Variants in KIRREL3 observed in about 807,000 individuals in gnomAD.
The protein encoded by KIRREL3 is kin of IRRE-like protein 3.
In KIRREL3, 36 loss-of-function variants were observed where a neutral mutation model predicts 89.7. The observed-to-expected ratio is 0.40, with a 90% CI of 0.31 to 0.53. The LOEUF is 0.53. Ranked by LOEUF, KIRREL3 falls within the 20% of genes least tolerant of loss-of-function variation. The pLI, the probability that KIRREL3 is intolerant of heterozygous loss-of-function variation, is 0.49. For synonymous variants in KIRREL3, 445 were observed against 441.4 expected, an observed-to-expected ratio of 1.01 and a Z score of -0.10; for missense variants, 864 against 1,056.6, an observed-to-expected ratio of 0.82 and a Z score of 2.53.
In KIRREL3 at chr11:126,909,948, G is replaced by A. The variant is rs556903744; in HGVS notation, c.55+90507C>T. On this transcript the variant is annotated intron_variant, in intron 1 of 16. Transcript: ENST00000525144. This position sits in a 1 kb window ranked among gnomAD's most constrained non-coding sequence, Gnocchi z 4.5. ...GTATTAACTGAAGATGACAGGGAGC[G>A]AGGGATGGAAAGCGGGCAATTTGTT... Among the ~76,000 whole-genome samples the A allele has an allele frequency of 2.6e-5, 4 of 152,224 alleles. No homozygotes were observed. Among genetic ancestry groups the A allele is most frequent in the African/African-American group, 7.2e-5 (3 of 41,536 alleles).
chr11:126,755,976 A>G lies in KIRREL3; in HGVS notation c.56-193064T>C, dbSNP rs906220987. 2.0e-5 allele frequency among the ~76,000 whole-genome samples: 3 copies of G among 152,244 alleles called. No homozygotes were observed. The highest frequency in any genetic ancestry group is 4.8e-5 in the African/African-American group (2 of 41,464). ...AATCACATCTAGGTGTTATCTTGATATAAGAACAGGTATCATTAATTGACT... is the reference window on the plus strand; with the variant it reads ...AATCACATCTAGGTGTTATCTTGATGTAAGAACAGGTATCATTAATTGACT... On this transcript the variant is annotated intron_variant, in intron 1 of 16. Coordinates refer to ENST00000525144, the MANE Select transcript of KIRREL3 (RefSeq NM_032531.4). This position sits in a 1 kb window ranked among gnomAD's most constrained non-coding sequence, Gnocchi z 4.3.
chr11:126,577,992 G>A (rs1941349451), intron 1 of KIRREL3, among the ~76,000 whole-genome samples: 1 of 152,158 alleles, frequency 6.6e-6, no homozygotes, highest in South Asian at 2.1e-4. Flanking sequence ...TCGTTCTAAA[G>A]ACAGGGAGCT....
chr11:126,879,139 G>T lies in KIRREL3; in HGVS notation c.55+121316C>A, dbSNP rs571909685. 6.6e-6 allele frequency among the ~76,000 whole-genome samples: 1 copy of T among 152,306 alleles called. No homozygotes were observed. Among genetic ancestry groups the T allele is most frequent in the East Asian group, 1.9e-4 (1 of 5,180 alleles). ...ACAGCAAAGGGAGGAAATAGTCTGA[G>T]TCCAGCTAAATGTAAAGAGGGAAAC... On this transcript the variant is annotated intron_variant, in intron 1 of 16. Coordinates refer to ENST00000525144, the MANE Select transcript of KIRREL3 (RefSeq NM_032531.4). This position sits in a 1 kb window ranked among gnomAD's most constrained non-coding sequence, Gnocchi z 5.4.
intron 1 of KIRREL3, among the ~76,000 whole-genome samples, chr11:126,787,994 C>T (rs1290572821): frequency 6.6e-6 from 1 of 152,172 alleles, no homozygotes; most frequent in South Asian, 2.1e-4. Context: ...CATCATCACC[C>T]CCATTTTACA....
At chr11:126,889,032 T>C (rs1207463320) in intron 1 of KIRREL3, among the ~76,000 whole-genome samples, 1 of 152,230 alleles carries the variant, frequency 6.6e-6, no homozygotes, top group Non-Finnish European at 1.5e-5. Context: ...GGTGTGCCTG[T>C]GTTGTAACAG....
At chr11:126,470,488 G>C (rs1448447821) in intron 5 of KIRREL3, among the ~76,000 whole-genome samples, 3 of 152,196 alleles carry the variant, frequency 2.0e-5, no homozygotes, top group Non-Finnish European at 4.4e-5. Context: ...GGCAGCCCTG[G>C]AGTGACCTCT....
Position 126,440,465 on chromosome 11 carries a change from G to A in KIRREL3, c.1337C>T (p.Pro446Leu), listed in dbSNP as rs760499655. ...GQIKCFIRST[P>L]PPDRIAWSWK... ...AGCACTCACGATGCGGTCCGGCGGCGGCGTGCTCCGGATGAAGCACTTGAT... is the reference window on the plus strand; with the variant it reads ...AGCACTCACGATGCGGTCCGGCGGCAGCGTGCTCCGGATGAAGCACTTGAT... Residue 446 changes from proline (P) to leucine (L), a missense_variant, in exon 11 of 17, where the codon CCG becomes CTG. Transcript: ENST00000525144. The A allele has an allele frequency of 1.3e-6, 2 of 1,583,282 alleles. No individual in the cohort carries two copies. The highest frequency in any genetic ancestry group is 1.7e-6 in the Non-Finnish European group (2 of 1,165,544).
At chr11:126,894,541 T>A (rs1486478559) in intron 1 of KIRREL3, among the ~76,000 whole-genome samples, 1 of 4,014 alleles carries the variant, frequency 2.5e-4, no homozygotes, top group Non-Finnish European at 4.3e-4. Flanking sequence ...AGACCTCATC[T>A]CAAAAAAAAA....
At chr11:126,936,961 A>G (rs1469246379) in intron 1 of KIRREL3, 1 of 152,244 alleles carries the variant, frequency 6.6e-6, no homozygotes, top group Admixed American at 6.5e-5. Context: ...TAAGGATGTC[A>G]GGAGGGTACA....
intron 1 of KIRREL3, among the ~76,000 whole-genome samples, chr11:126,632,926 T>C (rs1267866070): frequency 6.6e-6 from 1 of 151,218 alleles, no homozygotes; most frequent in Non-Finnish European, 1.5e-5. Flanking sequence ...ACCCCTTCTT[T>C]ACTAAAAATA....
intron 12 of KIRREL3, 56 bp from the exon 13 acceptor site, chr11:126,435,359 T>C: frequency 2.5e-6 from 4 of 1,580,258 alleles, no homozygotes; most frequent in Non-Finnish European, 3.5e-6. Context: ...CAGGGTGGGG[T>C]GGGACTGGGA....
At position 126,981,481 on chromosome 11, in the gene KIRREL3, A is replaced by T. The variant is rs759093826; in HGVS notation, c.55+18974T>A. ...GATTCCAGGCAGAAGACAGTCCAGT[A>T]CCTTCCTAAGTCACTAAGGAAGAGC... On this transcript the variant is annotated intron_variant, in intron 1 of 16. Transcript: ENST00000525144. The surrounding 1 kb of genome is among the most constrained non-coding windows in gnomAD (Gnocchi z 4.2). Among the ~76,000 whole-genome samples the T allele has an allele frequency of 3.9e-5, 6 of 152,206 alleles. No homozygotes were observed. Among genetic ancestry groups the T allele is most frequent in the African/African-American group, 7.2e-5 (3 of 41,424 alleles).
rs928034847 is a variant in KIRREL3, at chr11:126,495,058, T to C, written c.434-21592A>G. Among the ~76,000 whole-genome samples the C allele has an allele frequency of 1.3e-5, 2 of 152,190 alleles. No individual in the cohort carries two copies. The highest frequency in any genetic ancestry group is 4.8e-5 in the African/African-American group (2 of 41,442). On this transcript the variant is annotated intron_variant, in intron 4 of 16. Coordinates refer to ENST00000525144, the MANE Select transcript of KIRREL3 (RefSeq NM_032531.4). The surrounding 1 kb of genome is among the most constrained non-coding windows in gnomAD (Gnocchi z 6.5). ...TAGGCTGTGCACTGGCCAATTCCAG[T>C]GGGCACTGAGCACTTAGCTGGCCCC...
chr11:126,531,118 A>G lies in KIRREL3; in HGVS notation c.134-4431T>C, dbSNP rs182936075. Among the ~76,000 whole-genome samples the G allele has an allele frequency of 1.9e-4, 29 of 152,144 alleles. No individual in the cohort carries two copies. In the East Asian group the frequency reaches 5.6e-3, roughly 30 times the overall value. On this transcript the variant is annotated intron_variant, in intron 2 of 16. Coordinates refer to ENST00000525144, the MANE Select transcript of KIRREL3 (RefSeq NM_032531.4). The surrounding 1 kb of genome is among the most constrained non-coding windows in gnomAD (Gnocchi z 4.7). ...GTTGGGATTACGAGCGTGAGCCACCATGCCCGGCCCCATGCTTTGTTTTGA... is the reference window on the plus strand; with the variant it reads ...GTTGGGATTACGAGCGTGAGCCACCGTGCCCGGCCCCATGCTTTGTTTTGA...
rs1487139809 is a variant in KIRREL3, at chr11:126,837,594, T to C, written c.55+162861A>G. On this transcript the variant is annotated intron_variant, in intron 1 of 16. Transcript: ENST00000525144. This position sits in a 1 kb window ranked among gnomAD's most constrained non-coding sequence, Gnocchi z 4.7. Reference sequence around the variant, plus strand: ...CCAATCCTCGCTACATCCAGGAACTTACTCTGCTGTGAAAGTGTCACAGCA... The same window carrying C: ...CCAATCCTCGCTACATCCAGGAACTCACTCTGCTGTGAAAGTGTCACAGCA... Among the ~76,000 whole-genome samples the C allele has an allele frequency of 1.3e-5, 2 of 152,196 alleles. No individual in the cohort carries two copies. The highest frequency in any genetic ancestry group is 6.5e-5 in the Admixed American group (1 of 15,286).
At chr11:126,886,262 T>C (rs1355145952) in intron 1 of KIRREL3, among the ~76,000 whole-genome samples, 1 of 152,220 alleles carries the variant, frequency 6.6e-6, no homozygotes, top group East Asian at 1.9e-4. Context: ...GCTCCCTGCA[T>C]GATGATAATG....
chr11:126,573,358 T>C (rs1941073230), intron 1 of KIRREL3, among the ~76,000 whole-genome samples: 1 of 152,164 alleles, frequency 6.6e-6, no homozygotes, highest in Non-Finnish European at 1.5e-5. Context: ...TAGGGCATTG[T>C]AACTTGGGCC....
chr11:126,632,857 C>T (rs1383276564), intron 1 of KIRREL3, among the ~76,000 whole-genome samples: 10 of 112,450 alleles, frequency 8.9e-5, no homozygotes, highest in Non-Finnish European at 1.5e-4. Context: ...TTTGGCAGGC[C>T]GAGGTGGGCA....
At chr11:126,889,880 G>A (rs1945844712) in intron 1 of KIRREL3, among the ~76,000 whole-genome samples, 1 of 152,138 alleles carries the variant, frequency 6.6e-6, no homozygotes, top group Non-Finnish European at 1.5e-5. Context: ...AAATATCTCC[G>A]TGACTGATTA....
Sources: gnomAD v4.1 joint callset for allele counts (sites outside exome capture counted in the v4.1 genomes callset) on GRCh38, gnomAD v4.1.1 for gene constraint, Gnocchi (gnomAD v3.1) non-coding constraint, MANE v1.5 for transcripts, NCBI Gene and HGNC (gene_info 2026-07-23, HGNC 2026-07-21) for gene names.